Variants in TRIM4 observed in about 807,000 individuals in gnomAD.
TRIM4 encodes the protein E3 ubiquitin-protein ligase TRIM4.
In TRIM4, 29 loss-of-function variants were observed where a neutral mutation model predicts 33.7. The observed-to-expected ratio is 0.86, with a 90% CI of 0.64 to 1.17. TRIM4 has a LOEUF of 1.17. Ranked by LOEUF, TRIM4 falls within the 50% of genes most tolerant of loss-of-function variation. The pLI, the probability that TRIM4 is intolerant of heterozygous loss-of-function variation, is 0.00. For synonymous variants in TRIM4, 224 were observed against 233.0 expected (o/e 0.96, Z 0.35); for missense variants, 554 against 593.7 (o/e 0.93, Z 0.69).
chr7:99,899,072 T>C (rs1439881473), intron 5 of TRIM4, among the ~76,000 whole-genome samples: 1 of 152,188 alleles, frequency 6.6e-6, no homozygotes, highest in Non-Finnish European at 1.5e-5. Context: ...TATGCTGGAC[T>C]GCAGTGTACG....
At position 99,909,647 on chromosome 7, in the gene TRIM4, T is replaced by C. The variant is rs1433481864; in HGVS notation, c.407A>G (p.Lys136Arg). ...AFESYREKLLKSQRNLVAKMK... is the reference protein window; with the variant it reads ...AFESYREKLLRSQRNLVAKMK... ...CTTGGCCACGAGATTACGCTGAGAC[T>C]TAAGAAGTTTCTCCTGCCAGCAGAA... The change falls in exon 2 of 6, where the codon AAG (lysine) becomes AGG (arginine). Residue 136 changes from lysine to arginine, a missense_variant. By Grantham distance (26) the Lys-to-Arg change is conservative. Around this residue, in one of 3 missense-constraint regions of TRIM4, gnomAD observed 233 missense variants for 203.1 expected, o/e 1.15. Transcript: ENST00000349062. 1 of 1,613,508 alleles carries C rather than the reference T, an allele frequency of 6.2e-7. No individual in the cohort carries two copies. Among genetic ancestry groups the C allele is most frequent in the East Asian group, 2.2e-5 (1 of 44,894 alleles).
chr7:99,893,664 C>T (rs371969809), intron 5 of TRIM4, among the ~76,000 whole-genome samples: 2 of 152,096 alleles, frequency 1.3e-5, no homozygotes, highest in East Asian at 1.9e-4. Flanking sequence ...TCTTTATTTT[C>T]GACTCTTTCC....
chr7:99,901,904 C>T, intron 5 of TRIM4: 1 of 590,386 alleles, frequency 1.7e-6, no homozygotes, highest in Non-Finnish European at 3.0e-6. Flanking sequence ...CAGGATACTG[C>T]CCAGTACTTT....
Position 99,908,756 on chromosome 7 carries a change from G to A in TRIM4, c.546C>T (p.Asn182=). Residue 182 remains asparagine, a synonymous_variant, in exon 3 of 6, where the codon AAC becomes AAT. Transcript: ENST00000349062. ...ACAGGTCCTCTTCTTCAACCAGGAAGTTGTGCAGCTTTGAAAACTCCGTGC... is the reference window on the plus strand; with the variant it reads ...ACAGGTCCTCTTCTTCAACCAGGAAATTGTGCAGCTTTGAAAACTCCGTGC... ...RISTEFSKLH[N]FLVEEEDLFL... is the part of the protein sequence containing the mutation. The A allele has an allele frequency of 2.5e-6, 4 of 1,614,148 alleles. No homozygotes were observed. Among genetic ancestry groups the A allele is most frequent in the Non-Finnish European group, 3.4e-6 (4 of 1,180,034 alleles).
At chr7:99,913,697 AAAT>A (rs1370931590) in intron 1 of TRIM4, among the ~76,000 whole-genome samples, 1 of 150,416 alleles carries the variant, frequency 6.6e-6, no homozygotes, top group Non-Finnish European at 1.5e-5. Flanking sequence ...AAATAAATAA[AAAT>A]AATAATTTTT....
chr7:99,919,140 C>CGCACAGGCCCGGGGGCACGGG lies in TRIM4; in HGVS notation c.241_261dup (p.Pro81_Cys87dup). 1 of 1,506,426 alleles carries CGCACAGGCCCGGGGGCACGGG rather than the reference C, an allele frequency of 6.6e-7. No individual in the cohort carries two copies. The highest frequency in any genetic ancestry group is 8.9e-7 in the Non-Finnish European group (1 of 1,126,076). 93.3% of individuals were successfully genotyped at this position (1,506,426 alleles called of 1,614,324 possible). A position where few individuals can be genotyped will look rare whatever the true frequency, so the allele number is the denominator to read the frequency against. Reference sequence around the variant, plus strand: ...AGCCGCAGCGGCTCCCAGTGGCGGCCGCACAGGCCCGGGGGCACGGGGCCC... The same window carrying CGCACAGGCCCGGGGGCACGGG: ...AGCCGCAGCGGCTCCCAGTGGCGGCCGCACAGGCCCGGGGGCACGGGGCACAGGCCCGGGGGCACGGGGCCC... On this transcript the variant is annotated inframe_insertion, in exon 1 of 6. Transcript: ENST00000349062.
chr7:99,919,091 G>T lies in TRIM4; in HGVS notation c.311C>A (p.Pro104Gln). The change falls in exon 1 of 6, where the codon CCA becomes CAA. Residue 104 changes from proline to glutamine, a missense_variant. Pro to Gln is a moderately conservative substitution (Grantham distance 76). Transcript: ENST00000349062. Reference sequence around the variant, plus strand: ...GGACTCCCTGCACACCAGGCACACTGGCCGCTGGTCGTCCTCGCAGAAGAG... The same window carrying T: ...GGACTCCCTGCACACCAGGCACACTTGCCGCTGGTCGTCCTCGCAGAAGAG... ...LRLFCEDDQRPVCLVCRESQE... is the reference protein window; with the variant it reads ...LRLFCEDDQRQVCLVCRESQE... The T allele has an allele frequency of 6.5e-7, 1 of 1,542,076 alleles. No homozygotes were observed. The highest frequency in any genetic ancestry group is 8.7e-7 in the Non-Finnish European group (1 of 1,145,198).
intron 1 of TRIM4, among the ~76,000 whole-genome samples, chr7:99,916,091 C>T (rs914800751): frequency 4.6e-5 from 7 of 152,214 alleles, no homozygotes; most frequent in Non-Finnish European, 1.0e-4. Context: ...GTGGGTGGTA[C>T]GTAAGAAGTA....
At chr7:99,911,112 G>C (rs1018110885) in intron 1 of TRIM4, among the ~76,000 whole-genome samples, 1 of 152,190 alleles carries the variant, frequency 6.6e-6, no homozygotes, top group Non-Finnish European at 1.5e-5. Context: ...GGATATGTTA[G>C]CAATTAGAGT....
chr7:99,916,382 A>G (rs539770825), intron 1 of TRIM4, among the ~76,000 whole-genome samples: 107 of 152,082 alleles, frequency 7.0e-4, no homozygotes, highest in Non-Finnish European at 1.3e-3. Context: ...ATTCTAAAAT[A>G]TTATCTCTAG....
intron 5 of TRIM4, among the ~76,000 whole-genome samples, chr7:99,899,148 G>A (rs934016708): frequency 3.3e-5 from 5 of 152,170 alleles, no homozygotes; most frequent in Admixed American, 6.5e-5. Flanking sequence ...TAAGAAGACT[G>A]TGTATTCAGA....
chr7:99,899,475 G>A (rs1413124436), intron 5 of TRIM4, among the ~76,000 whole-genome samples: 3 of 151,964 alleles, frequency 2.0e-5, no homozygotes, highest in Non-Finnish European at 2.9e-5. Context: ...TTTCAGACAC[G>A]GTGCCATCCT....
intron 1 of TRIM4, among the ~76,000 whole-genome samples, chr7:99,914,992 T>C (rs1475767251): frequency 6.6e-6 from 1 of 152,000 alleles, no homozygotes; most frequent in Non-Finnish European, 1.5e-5. Context: ...GTATTTTTAG[T>C]AAAGACAGGG....
At chr7:99,909,290 T>C (rs1482552637) in intron 2 of TRIM4, among the ~76,000 whole-genome samples, 1 of 152,068 alleles carries the variant, frequency 6.6e-6, no homozygotes, top group South Asian at 2.1e-4. Context: ...GACATGGGGA[T>C]GAAGTATGCG....
chr7:99,894,535 C>T (rs1416641351), intron 5 of TRIM4, among the ~76,000 whole-genome samples: 1 of 151,882 alleles, frequency 6.6e-6, no homozygotes, highest in Non-Finnish European at 1.5e-5. Context: ...GGCATGGTGG[C>T]GCGCACCTGC....
At chr7:99,903,341 TA>T in intron 4 of TRIM4, 26 bp from the exon 5 acceptor site, 1 of 1,565,808 alleles carries the variant, frequency 6.4e-7, no homozygotes, top group Non-Finnish European at 8.7e-7. Flanking sequence ...AGACTGCTCT[TA>T]GGGGACAACT....
At chr7:99,918,358 G>A (rs528643720) in intron 1 of TRIM4, among the ~76,000 whole-genome samples, 1 of 152,324 alleles carries the variant, frequency 6.6e-6, no homozygotes, top group South Asian at 2.1e-4. Context: ...CTTGAGGTCA[G>A]CAGTTCGAGA....
At chr7:99,916,874 G>A in intron 1 of TRIM4, 1 of 736,298 alleles carries the variant, frequency 1.4e-6, no homozygotes. Flanking sequence ...TTTTACTATG[G>A]CAAACAAGAT....
At chr7:99,918,213 T>C (rs561837653) in intron 1 of TRIM4, among the ~76,000 whole-genome samples, 39 of 152,326 alleles carry the variant, frequency 2.6e-4, no homozygotes, top group Middle Eastern at 3.4e-3. Context: ...TCCAAACTGC[T>C]ATGTGTTGTA....
Sources: gnomAD v4.1 joint callset for allele counts (sites outside exome capture counted in the v4.1 genomes callset) on GRCh38, gnomAD v4.1.1 for gene constraint, gnomAD v4.1.1 regional missense constraint, MANE v1.5 for transcripts, NCBI Gene and HGNC (gene_info 2026-07-23, HGNC 2026-07-21) for gene names.